SLC44A5: variants seen among roughly 807,000 people sequenced by gnomAD.
SLC44A5 encodes choline transporter-like protein 5.
SLC44A5 carries 57 observed loss-of-function variants against 101.8 expected under a neutral mutation model. The observed-to-expected ratio is 0.56, with a 90% CI of 0.45 to 0.70. SLC44A5 has a LOEUF of 0.70. Ranked by LOEUF, SLC44A5 falls within the 30% of genes least tolerant of loss-of-function variation. The probability of loss-of-function intolerance (pLI) is 0.00; values close to 1 mark genes in which losing one functional copy is unlikely to be tolerated. For missense variants in SLC44A5, 737 were observed against 853.1 expected (o/e 0.86, Z 1.70); for synonymous variants, 281 against 290.9 (o/e 0.97, Z 0.35).
At chr1:75,401,714 C>G (rs1272691926) in intron 2 of SLC44A5, among the ~76,000 whole-genome samples, 1 of 151,964 alleles carries the variant, frequency 6.6e-6, no homozygotes, top group African/African-American at 2.4e-5. Flanking sequence ...CATCTAGATG[C>G]CCTTGTAAAC....
chr1:75,592,828 A>G (rs181553501), intron 1 of SLC44A5, among the ~76,000 whole-genome samples: 1 of 152,110 alleles, frequency 6.6e-6, no homozygotes. Context: ...GTCTCTCACC[A>G]TACACACAAA....
chr1:75,504,894 A>G (rs1273163837), intron 2 of SLC44A5, among the ~76,000 whole-genome samples: 2 of 152,124 alleles, frequency 1.3e-5, no homozygotes, highest in African/African-American at 4.8e-5. Context: ...GGTTTGTTAC[A>G]TGGGTATATT....
At chr1:75,456,430 G>A (rs1666193121) in intron 2 of SLC44A5, among the ~76,000 whole-genome samples, 1 of 152,178 alleles carries the variant, frequency 6.6e-6, no homozygotes, top group South Asian at 2.1e-4. Context: ...GATCACATTT[G>A]TACTCCAAAC....
chr1:75,285,430 C>T (rs905191375), intron 5 of SLC44A5, among the ~76,000 whole-genome samples: 5 of 152,030 alleles, frequency 3.3e-5, no homozygotes, highest in South Asian at 2.1e-4. Context: ...AAAGAACCAG[C>T]ATTTTGTTTC....
chr1:75,393,959 G>A (rs956592854), intron 3 of SLC44A5, among the ~76,000 whole-genome samples: 2 of 152,080 alleles, frequency 1.3e-5, no homozygotes, highest in African/African-American at 2.4e-5. Context: ...TAAGTCCAGG[G>A]CAAGAAAGAG....
At chr1:75,633,340 T>C in the SLC44A5 span, among the ~76,000 whole-genome samples, 1 of 152,148 alleles carries the variant, frequency 6.6e-6, no homozygotes, top group Admixed American at 6.6e-5. Context: ...CATTGATTCT[T>C]CCTACCCATG....
the SLC44A5 span, among the ~76,000 whole-genome samples, chr1:75,649,447 A>G: frequency 2.0e-5 from 3 of 152,292 alleles, 1 homozygote; most frequent in South Asian, 2.1e-4. Context: ...AAAGGTGTTA[A>G]AAGTGTTGGT....
chr1:75,539,513 A>T (rs975316969), intron 2 of SLC44A5, among the ~76,000 whole-genome samples: 6 of 152,180 alleles, frequency 3.9e-5, no homozygotes, highest in African/African-American at 7.2e-5. Flanking sequence ...TTTTGCCAAG[A>T]TCTACGTTAT....
chr1:75,221,061 T>G (rs627494), intron 14 of SLC44A5, among the ~76,000 whole-genome samples: 68,527 of 151,946 alleles, frequency 0.45, 16,396 homozygotes, highest in African/African-American at 0.6. Context: ...CTGCACAATA[T>G]CATACTACTT....
At chr1:75,259,088 G>A (rs1650268076) in intron 6 of SLC44A5, among the ~76,000 whole-genome samples, 1 of 152,132 alleles carries the variant, frequency 6.6e-6, no homozygotes, top group Non-Finnish European at 1.5e-5. Context: ...GCACAAAAAG[G>A]CTGAAAATTC....
chr1:75,568,490 A>AG (rs1672903683), intron 1 of SLC44A5, among the ~76,000 whole-genome samples: 1 of 152,182 alleles, frequency 6.6e-6, no homozygotes, highest in Non-Finnish European at 1.5e-5. Flanking sequence ...TACAGGAAAC[A>AG]GGCCTTTTTT....
At chr1:75,648,807 C>CACGTCCTTGG in the SLC44A5 span, among the ~76,000 whole-genome samples, 1 of 151,576 alleles carries the variant, frequency 6.6e-6, no homozygotes, top group South Asian at 2.1e-4. Context: ...TAAAACTTAA[C>CACGTCCTTGG]ATTATGAGCA....
At chr1:75,368,615 GCTCT>G (rs1041971143) in intron 3 of SLC44A5, among the ~76,000 whole-genome samples, 13 of 150,678 alleles carry the variant, frequency 8.6e-5, no homozygotes, top group South Asian at 6.3e-4. Flanking sequence ...AATTGATTTT[GCTCT>G]CTCTGTCTCT....
intron 3 of SLC44A5, among the ~76,000 whole-genome samples, chr1:75,383,417 C>A (rs1016370843): frequency 5.3e-5 from 8 of 151,554 alleles, no homozygotes; most frequent in Admixed American, 2.6e-4. Context: ...TCCCACCTTA[C>A]GAGAAACACC....
chr1:75,467,446 GA>G (rs1666884529), intron 2 of SLC44A5, among the ~76,000 whole-genome samples: 1 of 152,056 alleles, frequency 6.6e-6, no homozygotes, highest in East Asian at 1.9e-4. Flanking sequence ...TGGAGCTATA[GA>G]AACCAAAAAC....
At chr1:75,252,856 A>G (rs1649698282) in intron 6 of SLC44A5, among the ~76,000 whole-genome samples, 1 of 152,202 alleles carries the variant, frequency 6.6e-6, no homozygotes, top group African/African-American at 2.4e-5. Flanking sequence ...GTGGTACCTC[A>G]CCTGACATTA....
intron 2 of SLC44A5, among the ~76,000 whole-genome samples, chr1:75,516,467 A>G (rs1487563758): frequency 6.6e-6 from 1 of 152,202 alleles, no homozygotes; most frequent in Non-Finnish European, 1.5e-5. Flanking sequence ...CAGTGAGCGG[A>G]GATCGCACCA....
chr1:75,709,148 G>C, the SLC44A5 span, among the ~76,000 whole-genome samples: 1 of 152,020 alleles, frequency 6.6e-6, no homozygotes, highest in Non-Finnish European at 1.5e-5. Context: ...AACTTTCCTG[G>C]TTCCAGTCCA....
intron 1 of SLC44A5, among the ~76,000 whole-genome samples, chr1:75,603,697 T>G (rs537431167): frequency 6.6e-6 from 1 of 151,564 alleles, no homozygotes; most frequent in South Asian, 2.1e-4. Context: ...AGATGGTATC[T>G]CGTGATTTTT....
Sources: allele counts gnomAD v4.1 joint callset (sites outside exome capture counted in the v4.1 genomes callset), GRCh38; gene constraint gnomAD v4.1.1; transcripts MANE v1.5; gene names NCBI Gene and HGNC (gene_info 2026-07-23, HGNC 2026-07-21).